SYNE1: variants seen among roughly 807,000 people sequenced by gnomAD.
SYNE1 encodes the protein nesprin-1.
In SYNE1, 616 loss-of-function variants were observed where a neutral mutation model predicts 1,111.0. The observed-to-expected ratio is 0.55, with a 90% CI of 0.52 to 0.59. The LOEUF is 0.59. Among genes scored for constraint, SYNE1 ranks in the 20% least tolerant of loss-of-function variants. SYNE1 has a pLI of 0.00. For missense variants in SYNE1, 10,006 were observed against 10,417.0 expected (o/e 0.96, Z 1.72); for synonymous variants, 3,855 against 3,825.8 (o/e 1.01, Z -0.28).
intron 115 of SYNE1, among the ~76,000 whole-genome samples, chr6:152,227,918 A>C (rs1178615574): frequency 6.6e-6 from 1 of 152,196 alleles, no homozygotes; most frequent in East Asian, 1.9e-4. Flanking sequence ...GTTTCTGATC[A>C]AAAAGGGGAA....
chr6:152,597,320 G>A (rs183093281), intron 3 of SYNE1, among the ~76,000 whole-genome samples: 34 of 152,232 alleles, frequency 2.2e-4, no homozygotes, highest in Admixed American at 1.2e-3. Context: ...TCTAGTTTCC[G>A]AGGCTGGAGG....
intron 104 of SYNE1, among the ~76,000 whole-genome samples, chr6:152,250,237 C>G (rs926994072): frequency 1.3e-5 from 2 of 151,612 alleles, no homozygotes; most frequent in African/African-American, 2.4e-5. Flanking sequence ...ACATGCCAGC[C>G]TGGGTGACTT....
At chr6:152,363,985 TATC>T (rs757874789) in intron 63 of SYNE1, among the ~76,000 whole-genome samples, 1 of 152,178 alleles carries the variant, frequency 6.6e-6, no homozygotes. Context: ...CCCACCCAAA[TATC>T]ATCTTGAATT....
At chr6:152,338,399 A>T (rs1413386821) in intron 75 of SYNE1, among the ~76,000 whole-genome samples, 3 of 151,946 alleles carry the variant, frequency 2.0e-5, no homozygotes, top group Non-Finnish European at 4.4e-5. Flanking sequence ...AGGAGGGAGG[A>T]TTGCTTGAGC....
rs549634407 is a variant in SYNE1, at chr6:152,266,826, T to C, written c.18815+1230A>G. Among the ~76,000 whole-genome samples, 23 of 152,310 alleles carry C rather than the reference T, an allele frequency of 1.5e-4. No individual in the cohort carries two copies. The South Asian group carries it at 4.6e-3, about 30-fold the overall frequency. On this transcript the variant is annotated intron_variant, in intron 100 of 145. Transcript: ENST00000367255. ...CTCAGAATTCGTATATATGTATATA[T>C]GTGTGTGTATATGTAACAGACTGTA...
Position 152,453,610 on chromosome 6 carries a change from A to T in SYNE1, c.3003T>A (p.Val1001=). 1 of 1,614,172 alleles carries T rather than the reference A, an allele frequency of 6.2e-7. No homozygotes were observed. The highest frequency in any genetic ancestry group is 1.1e-5 in the South Asian group (1 of 91,078). Residue 1001 remains valine (V), a synonymous_variant, in exon 25 of 146, where the codon GTT becomes GTA. Transcript: ENST00000367255. The stretch of plus-strand genomic sequence containing the variant: ...CCTTCCATTGTTTGTGGAGCTTTCG[A>T]ACAGCTTCCTGCAGCCCCTGCTGCT... ...EQEQQGLQEA[V]RKLHKQWKDL...
rs2094065651 is a variant in SYNE1 at position 152,282,116 on chromosome 6, A to G, written c.18208-136T>C. ...AAACTTTTAAAAATTTCCTTTGCTT[A>G]GGCCACATCCCAGAACAACAATCAG... On this transcript the variant is annotated intron_variant, in intron 96 of 145. Coordinates refer to ENST00000367255, the MANE Select transcript of SYNE1 (RefSeq NM_182961.4). 4.7e-6 allele frequency: 4 copies of G among 852,574 alleles called. No individual in the cohort carries two copies. The South Asian group carries it at 5.9e-5, about 13-fold the overall frequency. 52.8% of individuals were successfully genotyped at this position (852,574 alleles called of 1,614,324 possible).
intron 9 of SYNE1, among the ~76,000 whole-genome samples, chr6:152,504,522 A>G (rs913527690): frequency 6.6e-5 from 10 of 152,174 alleles, no homozygotes; most frequent in African/African-American, 2.2e-4. Context: ...TTCACTGTAT[A>G]TTTACATTTC....
intron 140 of SYNE1, among the ~76,000 whole-genome samples, chr6:152,138,582 C>T (rs1248703712): frequency 1.3e-5 from 2 of 151,456 alleles, no homozygotes; most frequent in African/African-American, 4.8e-5. Flanking sequence ...CACACAATCA[C>T]TAAAAGCAAG....
Position 152,234,368 on chromosome 6 carries a change from C to T in SYNE1, c.20529+300G>A, listed in dbSNP as rs191036432. 6.3e-3 allele frequency among the ~76,000 whole-genome samples: 958 copies of T among 152,248 alleles called. 7 individuals carry two copies. Among genetic ancestry groups the T allele is most frequent in the Middle Eastern group, 0.051 (15 of 294 alleles). On this transcript the variant is annotated intron_variant, in intron 111 of 145. Coordinates refer to ENST00000367255, the MANE Select transcript of SYNE1 (RefSeq NM_182961.4). ...GGAGTGCAGTGGCACAATCTCAGCT[C>T]GCTGCAATCTCTGCCTTCCGGGTTC...
In SYNE1 at chr6:152,350,714, C is replaced by G; in HGVS notation, c.11637G>C (p.Lys3879Asn). 6.2e-7 allele frequency: 1 copy of G among 1,614,080 alleles called. No homozygotes were observed. Among genetic ancestry groups the G allele is most frequent in the Non-Finnish European group, 8.5e-7 (1 of 1,180,014 alleles). The stretch of plus-strand genomic sequence containing the variant: ...GCACCAGTTCCAAAAGAGCTTCACC[C>G]TTCTCTCTCACTGACTTTACTGATG... ...HEPSVKSVREKGEALLELVQD... is the reference protein window; with the variant it reads ...HEPSVKSVRENGEALLELVQD... Residue 3879 changes from lysine to asparagine, a missense_variant, in exon 71 of 146, where the codon AAG (lysine) becomes AAC (asparagine). Lys to Asn is a moderately conservative substitution (Grantham distance 94, BLOSUM62 0). Around this residue, in one of 7 missense-constraint regions of SYNE1, gnomAD observed 4,955 missense variants for 5,017.2 expected, o/e 0.99. Transcript: ENST00000367255.
chr6:152,428,136 A>G lies in SYNE1; in HGVS notation c.4976+69T>C, dbSNP rs1021939938. On this transcript the variant is annotated intron_variant, in intron 37 of 145. Transcript: ENST00000367255. Reference sequence around the variant, plus strand: ...GCATCTGGGATAACTACTCCCCATCACTTTAAGAACTGCTAATCCAGAATT... The same window carrying G: ...GCATCTGGGATAACTACTCCCCATCGCTTTAAGAACTGCTAATCCAGAATT... The G allele has an allele frequency of 2.1e-5, 33 of 1,590,036 alleles. No individual in the cohort carries two copies. In the African/African-American group the frequency reaches 4.0e-4, roughly 19 times the overall value.
intron 3 of SYNE1, among the ~76,000 whole-genome samples, chr6:152,575,925 C>T (rs1232216799): frequency 6.6e-6 from 1 of 152,212 alleles, no homozygotes; most frequent in East Asian, 1.9e-4. Context: ...TGTAAACAAA[C>T]TTTCTCTTAT....
Position 152,186,172 on chromosome 6 carries a change from G to T in SYNE1, c.23301+3080C>A, listed in dbSNP as rs9479237. Among the ~76,000 whole-genome samples, 632 of 152,254 alleles carry T rather than the reference G, an allele frequency of 4.2e-3. 1 individual carries two copies. The highest frequency in any genetic ancestry group is 6.9e-3 in the Non-Finnish European group (472 of 68,022). On this transcript the variant is annotated intron_variant, in intron 128 of 145. Transcript: ENST00000367255. ...AATGGCACAACCAAAAGAGAAATAA[G>T]AATTCAGAGGACCAAGAACATACTG...
intron 131 of SYNE1, among the ~76,000 whole-genome samples, chr6:152,157,468 A>G (rs1563094668): frequency 6.6e-6 from 1 of 152,220 alleles, no homozygotes; most frequent in Non-Finnish European, 1.5e-5. Flanking sequence ...AGACACAAAC[A>G]TACAGTTAGA....
Position 152,416,834 on chromosome 6 carries a change from G to T in SYNE1, c.5603C>A (p.Ser1868Tyr), listed in dbSNP as rs150383435. 1 of 1,614,206 alleles carries T rather than the reference G, an allele frequency of 6.2e-7. No homozygotes were observed. Among genetic ancestry groups the T allele is most frequent in the Non-Finnish European group, 8.5e-7 (1 of 1,180,046 alleles). ...QVVERRQLAL[S>Y]HLAEFLQSHA... is the part of the protein sequence containing the mutation. ...GCTCTGGAGGAATTCTGCCAAATGG[G>T]ACAGGGCAAGCTGCCGCCTCTCCAC... The change falls in exon 41 of 146, where the codon TCC (serine) becomes TAC (tyrosine). Residue 1868 changes from serine (S) to tyrosine (Y), a missense_variant. Around this residue, in one of 7 missense-constraint regions of SYNE1, gnomAD observed 4,955 missense variants for 5,017.2 expected, o/e 0.99. Coordinates refer to ENST00000367255, the MANE Select transcript of SYNE1 (RefSeq NM_182961.4).
Position 152,316,995 on chromosome 6 carries a change from C to A in SYNE1, c.16573-9G>T, listed in dbSNP as rs768173115. The A allele has an allele frequency of 2.5e-6, 4 of 1,613,528 alleles. No individual in the cohort carries two copies. The Admixed American group carries it at 6.7e-5, about 27-fold the overall frequency. Reference sequence around the variant, plus strand: ...TCTAAATGTGATGCTGCCTGAAAAACCAGTAACATTAATGTAACAAATGTA... The same window carrying A: ...TCTAAATGTGATGCTGCCTGAAAAAACAGTAACATTAATGTAACAAATGTA... On this transcript the variant is annotated splice_polypyrimidine_tract_variant and intron_variant, in intron 86 of 145. Coordinates refer to ENST00000367255, the MANE Select transcript of SYNE1 (RefSeq NM_182961.4).
At chr6:152,281,143 T>C (rs758233559) in intron 97 of SYNE1, among the ~76,000 whole-genome samples, 9 of 152,222 alleles carry the variant, frequency 5.9e-5, no homozygotes, top group Non-Finnish European at 1.0e-4. Context: ...CGAAGTCAAA[T>C]ATGAAGATCA....
rs2098952449 is a variant in SYNE1 at position 152,488,378 on chromosome 6, ATCT to A, written c.1047+15_1047+17del. ...AAAATAGCTTTTGAAAAATTCAAAAATCTTCTCCATACAATACCTGATATTTAT... is the reference window on the plus strand; with the variant it reads ...AAAATAGCTTTTGAAAAATTCAAAAATCTCCATACAATACCTGATATTTAT... On this transcript the variant is annotated intron_variant, in intron 12 of 145. Transcript: ENST00000367255. 1.4e-6 allele frequency: 2 copies of A among 1,420,400 alleles called. No individual in the cohort carries two copies. Among genetic ancestry groups the A allele is most frequent in the Non-Finnish European group, 9.9e-7 (1 of 1,010,056 alleles). The allele number at this position is 1,420,400 out of a possible 1,614,324, so 88.0% of individuals were successfully genotyped here.
Sources: allele counts gnomAD v4.1 joint callset (sites outside exome capture counted in the v4.1 genomes callset), GRCh38; gene constraint gnomAD v4.1.1; regional missense constraint gnomAD v4.1.1; transcripts MANE v1.5; gene names NCBI Gene and HGNC (gene_info 2026-07-23, HGNC 2026-07-21).